Variants in TFEC observed in about 807,000 individuals in gnomAD.
TFEC encodes transcription factor EC.
TFEC carries 31 observed loss-of-function variants against 41.6 expected under a neutral mutation model. The observed-to-expected ratio is 0.74, with a 90% CI of 0.56 to 1.01. The LOEUF (loss-of-function observed/expected upper bound fraction) is 1.01. Among genes scored for constraint, TFEC ranks in the 50% least tolerant of loss-of-function variants. The pLI is 0.00. For synonymous variants in TFEC, 143 were observed against 140.6 expected, an observed-to-expected ratio of 1.02 and a Z score of -0.12; for missense variants, 402 against 404.1, an observed-to-expected ratio of 0.99 and a Z score of 0.04.
At chr7:115,948,240 T>C (rs956963519) in intron 6 of TFEC, among the ~76,000 whole-genome samples, 3 of 151,364 alleles carry the variant, frequency 2.0e-5, no homozygotes, top group Non-Finnish European at 4.4e-5. Flanking sequence ...CAGGACCAGA[T>C]GGATTCACAG....
At chr7:116,029,375 C>A (rs554742740) in intron 1 of TFEC, among the ~76,000 whole-genome samples, 32 of 152,242 alleles carry the variant, frequency 2.1e-4, no homozygotes, top group African/African-American at 6.7e-4. Context: ...CACTGCTACA[C>A]TCAGATTCAT....
At chr7:116,005,053 C>T (rs1794737107) in intron 1 of TFEC, among the ~76,000 whole-genome samples, 1 of 152,178 alleles carries the variant, frequency 6.6e-6, no homozygotes, top group Non-Finnish European at 1.5e-5. Context: ...TCACCTTCCA[C>T]TATGATTGTG....
chr7:115,995,344 TA>T (rs930208720), intron 1 of TFEC, among the ~76,000 whole-genome samples: 4 of 151,226 alleles, frequency 2.6e-5, no homozygotes, highest in Non-Finnish European at 5.9e-5. Flanking sequence ...TAAAGTATAT[TA>T]AAAAAAACAA....
chr7:116,101,873 CTG>C (rs1267053054), intron 3 of TFEC, among the ~76,000 whole-genome samples: 1 of 152,156 alleles, frequency 6.6e-6, no homozygotes, highest in Non-Finnish European at 1.5e-5. Flanking sequence ...TGTCTGAAAA[CTG>C]TGATTCAACT....
At chr7:116,042,277 A>T (rs1228730023) in intron 3 of TFEC, among the ~76,000 whole-genome samples, 1 of 152,202 alleles carries the variant, frequency 6.6e-6, no homozygotes, top group Non-Finnish European at 1.5e-5. Context: ...CATATAATAC[A>T]GCATAAGCGT....
chr7:115,975,967 T>A (rs1161217272), intron 2 of TFEC, among the ~76,000 whole-genome samples: 1 of 152,106 alleles, frequency 6.6e-6, no homozygotes, highest in Non-Finnish European at 1.5e-5. Context: ...GCCAGTGGTA[T>A]CCAGTAGAAA....
At chr7:115,954,466 G>A (rs1792111142) in intron 5 of TFEC, 120 bp downstream of exon 5, 3 of 611,752 alleles carry the variant, frequency 4.9e-6, no homozygotes, top group South Asian at 6.1e-5. Context: ...CAAGTTATAT[G>A]TGCAATTAAT....
upstream of TFEC, among the ~76,000 whole-genome samples, chr7:116,033,845 A>T: frequency 6.6e-6 from 1 of 152,068 alleles, no homozygotes; most frequent in East Asian, 1.9e-4. Flanking sequence ...ATGTTACTCC[A>T]TTTCTTTGTG....
At position 115,940,528 on chromosome 7, in the gene TFEC, G is replaced by A; in HGVS notation, c.*23C>T. 1 of 1,576,992 alleles carries A rather than the reference G, an allele frequency of 6.3e-7. No individual in the cohort carries two copies. ...ACCAGCATAGAATTGCTTTCCAGTT[G>A]ATGAATTGGGTCTGTTTATTTCTTA... is the stretch of plus-strand genomic sequence containing the variant. On this transcript the variant is annotated 3_prime_UTR_variant, in exon 8 of 8. Coordinates refer to ENST00000265440, the MANE Select transcript of TFEC (RefSeq NM_012252.4).
intron 5 of TFEC, 115 bp from the exon 6 acceptor site, chr7:115,951,064 G>T: frequency 2.0e-6 from 1 of 488,674 alleles, no homozygotes; most frequent in Non-Finnish European, 3.5e-6. Flanking sequence ...TTTCCATTTA[G>T]TCAAAAGATA....
chr7:116,053,271 G>A (rs925815677), intron 3 of TFEC, among the ~76,000 whole-genome samples: 1 of 152,126 alleles, frequency 6.6e-6, no homozygotes, highest in African/African-American at 2.4e-5. Context: ...CGAATTTGAG[G>A]TTCACAGTTA....
At chr7:116,077,834 C>G (rs552920464) in intron 3 of TFEC, among the ~76,000 whole-genome samples, 2 of 151,958 alleles carry the variant, frequency 1.3e-5, no homozygotes, top group Non-Finnish European at 2.9e-5. Context: ...TAGTGGGGGA[C>G]TTTAATACTC....
chr7:116,064,428 TTATTC>T (rs1796644922), intron 3 of TFEC, among the ~76,000 whole-genome samples: 1 of 151,568 alleles, frequency 6.6e-6, no homozygotes. Flanking sequence ...TATGTGCAGT[TTATTC>T]TATGTCAATC....
At chr7:115,991,822 T>C (rs1192942808) in intron 1 of TFEC, among the ~76,000 whole-genome samples, 3 of 152,096 alleles carry the variant, frequency 2.0e-5, no homozygotes, top group Admixed American at 6.5e-5. Flanking sequence ...AACAAGGATA[T>C]CCAGGAATTG....
chr7:116,043,804 G>A (rs2130929422), intron 3 of TFEC, among the ~76,000 whole-genome samples: 1 of 152,246 alleles, frequency 6.6e-6, no homozygotes, highest in South Asian at 2.1e-4. Context: ...GAAATCCAAA[G>A]TCAGCTTCTT....
At chr7:116,125,586 T>C (rs1562978619) in intron 1 of TFEC, among the ~76,000 whole-genome samples, 1 of 152,196 alleles carries the variant, frequency 6.6e-6, no homozygotes, top group East Asian at 1.9e-4. Flanking sequence ...AAAGAGGTAA[T>C]GTTGGCGGAA....
chr7:116,087,506 C>CTCCAAAAA (rs1186492623), intron 3 of TFEC, among the ~76,000 whole-genome samples: 2 of 151,994 alleles, frequency 1.3e-5, no homozygotes, highest in Non-Finnish European at 2.9e-5. Flanking sequence ...TTTACTACTT[C>CTCCAAAAA]TCCAAAATGC....
intron 3 of TFEC, among the ~76,000 whole-genome samples, chr7:115,960,901 A>G (rs1792509542): frequency 6.6e-6 from 1 of 151,650 alleles, no homozygotes; most frequent in Admixed American, 6.6e-5. Flanking sequence ...AAGGGCTTTC[A>G]CGCTTAAAAA....
intron 3 of TFEC, among the ~76,000 whole-genome samples, chr7:116,070,883 T>A (rs1463919240): frequency 6.6e-6 from 1 of 151,288 alleles, no homozygotes; most frequent in African/African-American, 2.4e-5. Flanking sequence ...TAATTCTATA[T>A]GAAGAACAAG....
Sources: allele counts gnomAD v4.1 joint callset (sites outside exome capture counted in the v4.1 genomes callset), GRCh38; gene constraint gnomAD v4.1.1; transcripts MANE v1.5; gene names NCBI Gene and HGNC (gene_info 2026-07-23, HGNC 2026-07-21).